HLTF: variants seen among roughly 807,000 people sequenced by gnomAD.
HLTF encodes the protein DNA-dependent ATPase/E3 ubiquitin-protein ligase HLTF.
Under a neutral mutation model 129.4 loss-of-function variants are expected in HLTF, and 127 were observed. That is an observed-to-expected ratio of 0.98 (90% confidence interval 0.85 to 1.14). HLTF has a LOEUF of 1.14. Among genes scored for constraint, HLTF ranks in the 50% most tolerant of loss-of-function variants. HLTF has a pLI of 0.00. For missense variants in HLTF, 1,139 were observed against 1,187.1 expected (o/e 0.96, Z 0.60); for synonymous variants, 332 against 388.8 (o/e 0.85, Z 1.72).
chr3:149,063,850 A>G (rs1718147519), intron 9 of HLTF, among the ~76,000 whole-genome samples: 1 of 152,150 alleles, frequency 6.6e-6, no homozygotes, highest in Non-Finnish European at 1.5e-5. Context: ...GTGCTGTTAT[A>G]AATTTACATG....
chr3:149,054,644 A>G (rs544293521), intron 14 of HLTF, among the ~76,000 whole-genome samples: 2 of 152,318 alleles, frequency 1.3e-5, no homozygotes, highest in South Asian at 4.1e-4. Flanking sequence ...CAATTAATCA[A>G]GAGGTTCCAT....
At chr3:149,036,786 C>G (rs1715671962) in intron 23 of HLTF, among the ~76,000 whole-genome samples, 1 of 152,062 alleles carries the variant, frequency 6.6e-6, no homozygotes, top group South Asian at 2.1e-4. Flanking sequence ...AAAAGACTTT[C>G]ATGAGCAAAT....
At chr3:149,086,121 G>C (rs1158455059) in intron 1 of HLTF, among the ~76,000 whole-genome samples, 196 bp downstream of exon 1, 1 of 152,156 alleles carries the variant, frequency 6.6e-6, no homozygotes, top group Non-Finnish European at 1.5e-5. Flanking sequence ...CCTAACACGG[G>C]ACTCGCCCTA....
intron 8 of HLTF, among the ~76,000 whole-genome samples, chr3:149,065,249 T>C (rs1718262073): frequency 6.6e-6 from 1 of 152,208 alleles, no homozygotes; most frequent in Non-Finnish European, 1.5e-5. Context: ...AGATCTTTAA[T>C]GAGGCTGCCA....
intron 23 of HLTF, among the ~76,000 whole-genome samples, chr3:149,037,479 A>AAG (rs1483307966): frequency 6.6e-6 from 1 of 151,664 alleles, no homozygotes; most frequent in Non-Finnish European, 1.5e-5. Context: ...AAAAAAAAAA[A>AAG]AAAAGAAAAA....
intron 13 of HLTF, chr3:149,059,464 A>G (rs1717735532): frequency 2.0e-6 from 1 of 495,336 alleles, no homozygotes. Flanking sequence ...ACTAGAAGAA[A>G]TATCTCTGCT....
Position 149,082,694 on chromosome 3 carries a change from A to C in HLTF, c.228+1988T>G, listed in dbSNP as rs955260154. ...TCTCAATAAAGTAGAAAAAAAATTA[A>C]AATAACAAGTATGCAAAGATAGTAT... On this transcript the variant is annotated intron_variant, in intron 2 of 24. Transcript: ENST00000310053. Among the ~76,000 whole-genome samples, 5 of 152,316 alleles carry C rather than the reference A, an allele frequency of 3.3e-5. No individual in the cohort carries two copies. In the South Asian group the frequency reaches 1.0e-3, roughly 32 times the overall value.
At position 149,060,811 on chromosome 3, in the gene HLTF, A is replaced by G. The variant is rs763011294; in HGVS notation, c.1208T>C (p.Ile403Thr). 3.1e-6 allele frequency: 5 copies of G among 1,613,518 alleles called. No homozygotes were observed. The African/African-American group carries it at 6.7e-5, about 22-fold the overall frequency. The change falls in exon 11 of 25, where the codon ATT becomes ACT. Residue 403 changes from isoleucine (I) to threonine (T), a missense_variant. Transcript: ENST00000310053. ...QYIESSDSEE[I>T]ETSELPQKMK... ...TTTCTGCGGCAATTCACTTGTTTCA[A>G]TTTCCTCTGAATCACTGCTTTCTAT...
At chr3:149,060,721 GC>G (rs1164326609) in intron 11 of HLTF, 34 bp from the exon 12 acceptor site, 2 of 1,607,384 alleles carry the variant, frequency 1.2e-6, no homozygotes, top group Non-Finnish European at 1.7e-6. Flanking sequence ...ATAAAAATGG[GC>G]AAAACAGGAC....
At chr3:149,080,298 C>G (rs1427505477) in intron 2 of HLTF, among the ~76,000 whole-genome samples, 1 of 152,050 alleles carries the variant, frequency 6.6e-6, no homozygotes, top group Non-Finnish European at 1.5e-5. Context: ...TGTGAGTATT[C>G]TAAAAACTAC....
Position 149,036,007 on chromosome 3 carries a change from C to T in HLTF, c.2797-1009G>A, listed in dbSNP as rs1365669260. On this transcript the variant is annotated intron_variant, in intron 23 of 24. Coordinates refer to ENST00000310053, the MANE Select transcript of HLTF (RefSeq NM_003071.4). Reference sequence around the variant, plus strand: ...AAAATTAGCCGGGCGTGGTGGCAGGCGCCTGTAGTCCCAGCTACTCGGGAG... The same window carrying T: ...AAAATTAGCCGGGCGTGGTGGCAGGTGCCTGTAGTCCCAGCTACTCGGGAG... 1.4e-4 allele frequency among the ~76,000 whole-genome samples: 21 copies of T among 151,278 alleles called. No homozygotes were observed. In the East Asian group the frequency reaches 4.0e-3, roughly 29 times the overall value.
intron 13 of HLTF, among the ~76,000 whole-genome samples, chr3:149,056,254 T>G (rs1283275407): frequency 1.3e-5 from 2 of 152,226 alleles, no homozygotes; most frequent in Non-Finnish European, 2.9e-5. Context: ...TAGGATAATT[T>G]GTTACACAGT....
intron 2 of HLTF, 105 bp downstream of exon 2, chr3:149,084,577 A>G: frequency 2.5e-6 from 2 of 803,044 alleles, no homozygotes; most frequent in Admixed American, 2.7e-5. Flanking sequence ...TAACTAACTT[A>G]AAGTAAAATA....
rs776080384 is a variant in HLTF, at chr3:149,055,422, A to G, written c.1376-22T>C. 4 of 1,511,050 alleles carry G rather than the reference A, an allele frequency of 2.6e-6. No individual in the cohort carries two copies. In the African/African-American group the frequency reaches 5.5e-5, roughly 21 times the overall value. 93.6% of individuals were successfully genotyped at this position (1,511,050 alleles called of 1,614,324 possible). A position where few individuals can be genotyped will look rare whatever the true frequency, so the allele number is the denominator to read the frequency against. On this transcript the variant is annotated intron_variant, in intron 13 of 24. Coordinates refer to ENST00000310053, the MANE Select transcript of HLTF (RefSeq NM_003071.4). The stretch of plus-strand genomic sequence containing the variant: ...GCTCCTAAAAAAATGAACCACTGAT[A>G]GAACCTTTAGCTGTTTTTCTGAAAT...
rs772320983 is a variant in HLTF at position 149,031,354 on chromosome 3, T to C, written c.*866A>G. The C allele has an allele frequency of 1.3e-5, 2 of 152,570 alleles. No individual in the cohort carries two copies. The highest frequency in any genetic ancestry group is 2.9e-5 in the Non-Finnish European group (2 of 68,014). The allele number at this position is 152,570 out of a possible 1,614,324, so 9.5% of individuals were successfully genotyped here. ...ATCCAGATATCACGCCTCTCACATA[T>C]AGTAGTCTTCTGAATTATAAAAATT... On this transcript the variant is annotated 3_prime_UTR_variant, in exon 25 of 25. Coordinates refer to ENST00000310053, the MANE Select transcript of HLTF (RefSeq NM_003071.4).
rs187825682 is a variant in HLTF at position 149,057,602 on chromosome 3, G to A, written c.1375+2116C>T. On this transcript the variant is annotated intron_variant, in intron 13 of 24. Coordinates refer to ENST00000310053, the MANE Select transcript of HLTF (RefSeq NM_003071.4). ...ACCAAATCCCTGACAAATACTGAGG[G>A]ATGACTGTACTGTAATAAAACTTAT... Among the ~76,000 whole-genome samples the A allele has an allele frequency of 4.4e-3, 667 of 152,254 alleles. 8 individuals carry two copies. Among genetic ancestry groups the A allele is most frequent in the African/African-American group, 0.015 (629 of 41,552 alleles).
In HLTF at chr3:149,041,587, C is replaced by A; in HGVS notation, c.2279G>T (p.Cys760Phe). The A allele has an allele frequency of 6.2e-7, 1 of 1,612,096 alleles. No individual in the cohort carries two copies. Among genetic ancestry groups the A allele is most frequent in the Non-Finnish European group, 8.5e-7 (1 of 1,178,284 alleles). ...LILSSGSDEECAICLDSLTVP... is the reference protein window; with the variant it reads ...LILSSGSDEEFAICLDSLTVP... Reference sequence around the variant, plus strand: ...TGTTAAAGAATCCAGGCAAATTGCACATTCCTCATCTGAACCTGAGCTCAG... The same window carrying A: ...TGTTAAAGAATCCAGGCAAATTGCAAATTCCTCATCTGAACCTGAGCTCAG... Residue 760 changes from cysteine (C) to phenylalanine (F), a missense_variant, in exon 20 of 25, where the codon TGT becomes TTT. Cys to Phe is a radical substitution (Grantham distance 205). Coordinates refer to ENST00000310053, the MANE Select transcript of HLTF (RefSeq NM_003071.4).
At chr3:149,064,113 C>G (rs769736559) in intron 9 of HLTF, among the ~76,000 whole-genome samples, 19 of 152,086 alleles carry the variant, frequency 1.2e-4, no homozygotes, top group Non-Finnish European at 2.6e-4. Flanking sequence ...TTTCCTTCAA[C>G]CTTACTTCTT....
chr3:149,064,981 C>A, intron 8 of HLTF, 115 bp from the exon 9 acceptor site: 1 of 530,392 alleles, frequency 1.9e-6, no homozygotes, highest in Non-Finnish European at 3.3e-6. Context: ...AAATTGCTAC[C>A]CAATTCTGGA....
Sources: allele counts gnomAD v4.1 joint callset (sites outside exome capture counted in the v4.1 genomes callset), GRCh38; gene constraint gnomAD v4.1.1; transcripts MANE v1.5; gene names NCBI Gene and HGNC (gene_info 2026-07-23, HGNC 2026-07-21).